The following PRMT3 variants were observed in gnomAD, a reference collection of about 807,000 sequenced individuals.
The protein encoded by PRMT3 is protein arginine N-methyltransferase 3.
A neutral mutation model predicts 71.9 loss-of-function variants in PRMT3; 62 were observed. The ratio of observed to expected loss-of-function variants is 0.86; its 90% confidence interval spans 0.70 to 1.07. PRMT3 has a LOEUF of 1.07. Among genes scored for constraint, PRMT3 ranks in the 50% least tolerant of loss-of-function variants. PRMT3 has a pLI of 0.00. For synonymous variants in PRMT3, 213 were observed against 220.4 expected, an observed-to-expected ratio of 0.97 and a Z score of 0.30; for missense variants, 663 against 643.0, an observed-to-expected ratio of 1.03 and a Z score of -0.34.
intron 9 of PRMT3, among the ~76,000 whole-genome samples, chr11:20,421,160 C>T (rs1849417035): frequency 6.6e-6 from 1 of 152,142 alleles, no homozygotes; most frequent in Admixed American, 6.6e-5. Flanking sequence ...TACCTTGCTT[C>T]TCGAGTAGCC....
intron 9 of PRMT3, among the ~76,000 whole-genome samples, chr11:20,418,525 A>G (rs948181259): frequency 2.6e-5 from 4 of 152,240 alleles, no homozygotes; most frequent in Non-Finnish European, 4.4e-5. Flanking sequence ...AAATAGGTTT[A>G]TAACTTGTAG....
At position 20,396,007 on chromosome 11, in the gene PRMT3, A is replaced by G. The variant is rs1249819823; in HGVS notation, c.560+45A>G. ...AAATTAATTGTTTTAGATCTCCAGA[A>G]TAATACAACCTAATGGCAAAGTAGA... On this transcript the variant is annotated intron_variant, in intron 6 of 15. Coordinates refer to ENST00000331079, the MANE Select transcript of PRMT3 (RefSeq NM_005788.4). 2.5e-6 allele frequency: 4 copies of G among 1,580,130 alleles called. No homozygotes were observed. The South Asian group carries it at 4.5e-5, about 18-fold the overall frequency.
rs751080998 is a variant in PRMT3, at chr11:20,508,603, C to A, written c.*190C>A. On this transcript the variant is annotated 3_prime_UTR_variant, in exon 16 of 16. Coordinates refer to ENST00000331079, the MANE Select transcript of PRMT3 (RefSeq NM_005788.4). ...AGCTGAGGAAGAGAATCAGCTGATC[C>A]TCATGGTCTGCCACGTAATCATTTT... 1.9e-5 allele frequency: 13 copies of A among 687,248 alleles called. 1 individual carries two copies. Among genetic ancestry groups the A allele is most frequent in the Non-Finnish European group, 3.2e-5 (12 of 374,406 alleles). The allele number at this position is 687,248 out of a possible 1,614,324, so 42.6% of individuals were successfully genotyped here.
rs148169362 is a variant in PRMT3, at chr11:20,449,955, A to G, written c.994-2175A>G. On this transcript the variant is annotated intron_variant, in intron 10 of 15. Coordinates refer to ENST00000331079, the MANE Select transcript of PRMT3 (RefSeq NM_005788.4). Reference sequence around the variant, plus strand: ...CAAAATAAAAACAAAAATAAATAGTATTTTCATTCATAAGTGCTATGATGA... The same window carrying G: ...CAAAATAAAAACAAAAATAAATAGTGTTTTCATTCATAAGTGCTATGATGA... Among the ~76,000 whole-genome samples, 1,073 of 152,248 alleles carry G rather than the reference A, an allele frequency of 7.0e-3. 15 individuals are homozygous for G. The highest frequency in any genetic ancestry group is 0.024 in the African/African-American group (1,016 of 41,564).
At chr11:20,493,238 T>C (rs1851251378) in intron 13 of PRMT3, among the ~76,000 whole-genome samples, 1 of 152,142 alleles carries the variant, frequency 6.6e-6, no homozygotes, top group Non-Finnish European at 1.5e-5. Flanking sequence ...CTACTGTTCA[T>C]TTTTTCAGGA....
intron 15 of PRMT3, among the ~76,000 whole-genome samples, chr11:20,504,307 T>G (rs921746605): frequency 4.6e-5 from 7 of 152,220 alleles, no homozygotes; most frequent in African/African-American, 1.7e-4. Flanking sequence ...ATTGACCATA[T>G]GCATATAGAT....
chr11:20,390,835 G>C (rs1291411850), intron 3 of PRMT3, among the ~76,000 whole-genome samples: 2 of 152,174 alleles, frequency 1.3e-5, no homozygotes, highest in Non-Finnish European at 2.9e-5. Flanking sequence ...TGGATCACAA[G>C]GTCAGGAGAT....
rs185001799 is a variant in PRMT3 at position 20,408,257 on chromosome 11, A to G, written c.893+225A>G. 2.6e-5 allele frequency among the ~76,000 whole-genome samples: 4 copies of G among 152,134 alleles called. No homozygotes were observed. The East Asian group carries it at 5.8e-4, about 22-fold the overall frequency. ...TCTCATTGATGAGAATTATTTTTATATTGATTTCTGGCTTTCTGACTATGG... is the reference window on the plus strand; with the variant it reads ...TCTCATTGATGAGAATTATTTTTATGTTGATTTCTGGCTTTCTGACTATGG... On this transcript the variant is annotated intron_variant, in intron 9 of 15. Coordinates refer to ENST00000331079, the MANE Select transcript of PRMT3 (RefSeq NM_005788.4).
intron 9 of PRMT3, among the ~76,000 whole-genome samples, chr11:20,420,178 A>G (rs1313193601): frequency 6.6e-6 from 1 of 152,226 alleles, no homozygotes; most frequent in African/African-American, 2.4e-5. Flanking sequence ...TCTCAAAAAA[A>G]GAAAAGGAAA....
intron 11 of PRMT3, 23 bp from the exon 12 acceptor site, chr11:20,461,957 G>C (rs202041803): frequency 2.0e-6 from 3 of 1,491,120 alleles, no homozygotes; most frequent in East Asian, 4.7e-5. Flanking sequence ...ATGCTTAATT[G>C]TTGGGCATTT....
At position 20,508,390 on chromosome 11, in the gene PRMT3, A is replaced by G. The variant is rs201557233; in HGVS notation, c.1573A>G (p.Thr525Ala). The change falls in exon 16 of 16, where the codon ACT becomes GCT. Residue 525 changes from threonine (T) to alanine (A), a missense_variant. Coordinates refer to ENST00000331079, the MANE Select transcript of PRMT3 (RefSeq NM_005788.4). ...CGTGACCCTCACGTTGAATAATTCAACTCAAACTTATGGTCTCCAGTGAAA... is the reference window on the plus strand; with the variant it reads ...CGTGACCCTCACGTTGAATAATTCAGCTCAAACTTATGGTCTCCAGTGAAA... The part of the protein sequence containing the change: ...LTVTLTLNNS[T>A]QTYGLQ 2.1e-5 allele frequency: 34 copies of G among 1,606,304 alleles called. No individual in the cohort carries two copies. Among genetic ancestry groups the G allele is most frequent in the East Asian group, 1.1e-4 (5 of 44,822 alleles).
intron 8 of PRMT3, among the ~76,000 whole-genome samples, chr11:20,403,602 T>G (rs1848997868): frequency 6.6e-6 from 1 of 152,134 alleles, no homozygotes; most frequent in Non-Finnish European, 1.5e-5. Flanking sequence ...ACACTTTTTT[T>G]TTTCTTTATT....
At chr11:20,392,580 T>C (rs1457629170) in intron 4 of PRMT3, among the ~76,000 whole-genome samples, 2 of 152,064 alleles carry the variant, frequency 1.3e-5, no homozygotes, top group East Asian at 3.8e-4. Flanking sequence ...ATTTTAAGTA[T>C]TTTGGTTGCT....
At chr11:20,484,139 C>T (rs1590101374) in intron 13 of PRMT3, among the ~76,000 whole-genome samples, 1 of 152,280 alleles carries the variant, frequency 6.6e-6, no homozygotes, top group African/African-American at 2.4e-5. Flanking sequence ...AGATAGCATG[C>T]CCAGGCATGC....
intron 15 of PRMT3, among the ~76,000 whole-genome samples, chr11:20,502,821 C>T (rs1851489446): frequency 6.6e-6 from 1 of 152,006 alleles, no homozygotes. Flanking sequence ...TATTTACTAG[C>T]AATACCTCAT....
chr11:20,482,774 A>G (rs1466565523), intron 13 of PRMT3, among the ~76,000 whole-genome samples: 3 of 152,128 alleles, frequency 2.0e-5, no homozygotes, highest in Admixed American at 6.6e-5. Flanking sequence ...CAGACATTTT[A>G]TGTATATGTA....
intron 9 of PRMT3, among the ~76,000 whole-genome samples, chr11:20,423,481 C>A (rs918241486): frequency 6.6e-5 from 10 of 152,132 alleles, no homozygotes; most frequent in African/African-American, 2.2e-4. Flanking sequence ...CTCTTTCACA[C>A]AGAAATAGCA....
intron 13 of PRMT3, among the ~76,000 whole-genome samples, chr11:20,489,831 A>G (rs1419588956): frequency 6.7e-6 from 1 of 150,040 alleles, no homozygotes; most frequent in Non-Finnish European, 1.5e-5. Flanking sequence ...TGTCCCAGCT[A>G]CTCAGGAGGC....
At chr11:20,426,175 GT>G (rs1849540965) in intron 9 of PRMT3, among the ~76,000 whole-genome samples, 1 of 152,216 alleles carries the variant, frequency 6.6e-6, no homozygotes, top group Non-Finnish European at 1.5e-5. Flanking sequence ...ATGTTTTGTT[GT>G]TGATGATAGT....
Sources: gnomAD v4.1 joint callset for allele counts (sites outside exome capture counted in the v4.1 genomes callset) on GRCh38, gnomAD v4.1.1 for gene constraint, MANE v1.5 for transcripts, NCBI Gene and HGNC (gene_info 2026-07-23, HGNC 2026-07-21) for gene names.